Variants in SATB2 observed in about 807,000 individuals in gnomAD.
SATB2 encodes the protein SATB homeobox 2, also known as DNA-binding protein SATB2.
SATB2 carries 1 observed loss-of-function variant against 73.4 expected under a neutral mutation model. The ratio of observed to expected loss-of-function variants is 0.01; its 90% CI spans 0.00 to 0.06. The LOEUF (loss-of-function observed/expected upper bound fraction) is 0.06. Ranked by LOEUF, SATB2 falls within the 10% of genes least tolerant of loss-of-function variation. The probability of loss-of-function intolerance (pLI) is 1.00; values close to 1 mark genes in which losing one functional copy is unlikely to be tolerated. For synonymous variants in SATB2, 397 were observed against 367.0 expected, an observed-to-expected ratio of 1.08 and a Z score of -0.93; for missense variants, 459 against 945.8, an observed-to-expected ratio of 0.49 and a Z score of 6.75.
rs1340131732 is a variant in SATB2, at chr2:199,463,806, G to T, written c.-141+1030C>A. 6.6e-6 allele frequency among the ~76,000 whole-genome samples: 1 copy of T among 152,200 alleles called. No individual in the cohort carries two copies. Among genetic ancestry groups the T allele is most frequent in the Admixed American group, 6.5e-5 (1 of 15,286 alleles). ...TGAAAAGTACACCTGGAAAGCCCAAGATAGCACCCGGTCCGCACCCCAAAT... is the reference window on the plus strand; with the variant it reads ...TGAAAAGTACACCTGGAAAGCCCAATATAGCACCCGGTCCGCACCCCAAAT... On this transcript the variant is annotated intron_variant, in intron 1 of 11. Coordinates refer to the SATB2 transcript ENST00000260926. This position sits in a 1 kb window ranked among gnomAD's most constrained non-coding sequence, Gnocchi z 6.4.
chr2:199,272,613 C>T lies in SATB2; in HGVS notation c.1800G>A (p.Ala600=), dbSNP rs764410137. The change falls in exon 11 of 11, where the codon GCG becomes GCA. Residue 600 remains alanine (A), a synonymous_variant. Coordinates refer to ENST00000417098, the MANE Select transcript of SATB2 (RefSeq NM_001172509.2). The surrounding 1 kb of genome is among the most constrained non-coding windows in gnomAD (Gnocchi z 6.7). ...AKESSPPREE[A]PPPPPPTEDS... ...CTTCAGTCGGAGGAGGTGGGGGAGGCGCTTCTTCTCTGGGAGGGGAACTCT... is the reference window on the plus strand; with the variant it reads ...CTTCAGTCGGAGGAGGTGGGGGAGGTGCTTCTTCTCTGGGAGGGGAACTCT... 1.4e-5 allele frequency: 23 copies of T among 1,613,916 alleles called. No individual in the cohort carries two copies. Among genetic ancestry groups the T allele is most frequent in the Admixed American group, 6.7e-5 (4 of 59,980 alleles).
At chr2:199,275,022 C>A (rs1168990240) in intron 10 of SATB2, among the ~76,000 whole-genome samples, 1 of 152,128 alleles carries the variant, frequency 6.6e-6, no homozygotes. Context: ...AGAACATAGA[C>A]TCAAGCATGA....
At chr2:199,341,731 A>G (rs1688511208) in intron 7 of SATB2, among the ~76,000 whole-genome samples, 1 of 152,216 alleles carries the variant, frequency 6.6e-6, no homozygotes, top group South Asian at 2.1e-4. Flanking sequence ...ACATAAAACT[A>G]TAGATAGGTT....
rs150494098 is a variant in SATB2, at chr2:199,447,915, A to G, written c.169+7954T>C. Among the ~76,000 whole-genome samples the G allele has an allele frequency of 6.9e-3, 258 of 37,350 alleles. 72 individuals are homozygous for G. In the East Asian group the frequency reaches 0.096, roughly 14 times the overall value. The allele number at this position is 37,350 out of a possible 152,430, so 24.5% of individuals were successfully genotyped here. On this transcript the variant is annotated intron_variant, in intron 2 of 10. Transcript: ENST00000417098. The stretch of plus-strand genomic sequence containing the variant: ...ATTCTTTCACTCAATTAAAGCAGAA[A>G]TGGATATTGCATCTTCTGACTGTAT...
rs529398154 is a variant in SATB2, at chr2:199,343,544, G to A, written c.1173+5157C>T. On this transcript the variant is annotated intron_variant, in intron 7 of 10. Coordinates refer to ENST00000417098, the MANE Select transcript of SATB2 (RefSeq NM_001172509.2). ...GCTGGTAAAACCAGCTGCCCAGTCC[G>A]GCTGTTAGTGACTACAGTACATACA... Among the ~76,000 whole-genome samples the A allele has an allele frequency of 6.6e-5, 10 of 152,152 alleles. No homozygotes were observed. In the East Asian group the frequency reaches 1.2e-3, roughly 18 times the overall value.
intron 7 of SATB2, chr2:199,346,858 CTTTTTT>C (rs540374842): frequency 4.7e-4 from 42 of 88,456 alleles, no homozygotes; most frequent in Non-Finnish European, 7.8e-4. Flanking sequence ...TTTCACTTAA[CTTTTTT>C]TTTTTTTTTT....
At chr2:199,273,091 C>A (rs748104546) in intron 10 of SATB2, among the ~76,000 whole-genome samples, 31 of 152,094 alleles carry the variant, frequency 2.0e-4, no homozygotes, top group Non-Finnish European at 4.3e-4. Flanking sequence ...AGCTGAGTAA[C>A]CCTGGGCAAA....
intron 3 of SATB2, among the ~76,000 whole-genome samples, chr2:199,427,890 T>C (rs1185947006): frequency 1.3e-5 from 2 of 152,168 alleles, no homozygotes; most frequent in East Asian, 3.8e-4. Context: ...AAAGAGATAG[T>C]ACATTGAAAA....
At chr2:199,371,929 G>A (rs745328243) in intron 5 of SATB2, among the ~76,000 whole-genome samples, 10 of 151,894 alleles carry the variant, frequency 6.6e-5, no homozygotes, top group South Asian at 2.1e-4. Flanking sequence ...AGCATGTATC[G>A]CTTTGCATGG....
At chr2:199,453,909 T>A (rs1249844124) in intron 2 of SATB2, among the ~76,000 whole-genome samples, 1 of 152,084 alleles carries the variant, frequency 6.6e-6, no homozygotes, top group African/African-American at 2.4e-5. Flanking sequence ...AATAATGTCA[T>A]CTTTATTTTC....
At chr2:199,356,761 G>GA (rs1419322233) in intron 6 of SATB2, among the ~76,000 whole-genome samples, 1 of 151,848 alleles carries the variant, frequency 6.6e-6, no homozygotes, top group East Asian at 1.9e-4. Context: ...ATTTTCTTTA[G>GA]AAAAAATATA....
At chr2:199,342,816 T>C (rs547511370) in intron 7 of SATB2, among the ~76,000 whole-genome samples, 27 of 152,208 alleles carry the variant, frequency 1.8e-4, no homozygotes, top group Admixed American at 7.2e-4. Flanking sequence ...AACAAATACA[T>C]TTTATATTCT....
At chr2:199,442,393 G>C (rs561304454) in intron 2 of SATB2, among the ~76,000 whole-genome samples, 3 of 152,180 alleles carry the variant, frequency 2.0e-5, no homozygotes, top group Non-Finnish European at 4.4e-5. Flanking sequence ...CACGGGCATC[G>C]CATGGATGGG....
chr2:199,415,473 T>C (rs1690950062), intron 3 of SATB2, among the ~76,000 whole-genome samples: 1 of 152,224 alleles, frequency 6.6e-6, no homozygotes, highest in Non-Finnish European at 1.5e-5. Flanking sequence ...TAATATCATG[T>C]TTAAAATTGT....
upstream of SATB2, chr2:199,459,674 C>G (rs1056703322): frequency 2.0e-5 from 3 of 152,934 alleles, no homozygotes; most frequent in African/African-American, 7.2e-5. The surrounding 1 kb of genome is among the most constrained non-coding windows in gnomAD (Gnocchi z 4.2). Flanking sequence ...TCTCCCGCAG[C>G]AAGAGCCACC....
intron 6 of SATB2, among the ~76,000 whole-genome samples, chr2:199,356,509 C>T (rs1688989587): frequency 6.6e-6 from 1 of 152,128 alleles, no homozygotes; most frequent in African/African-American, 2.4e-5. Context: ...GCTCTAAAAC[C>T]TTGAAGCCCA....
chr2:199,432,220 G>GA (rs1691524799), intron 3 of SATB2, among the ~76,000 whole-genome samples: 1 of 152,132 alleles, frequency 6.6e-6, no homozygotes, highest in East Asian at 1.9e-4. Context: ...ATTTCAATTA[G>GA]GTTGCTTTCT....
intron 3 of SATB2, among the ~76,000 whole-genome samples, chr2:199,425,996 C>G (rs963742089): frequency 3.9e-5 from 6 of 152,166 alleles, no homozygotes; most frequent in African/African-American, 1.4e-4. Context: ...CTATCCAGCT[C>G]TAATGAGGGC....
At chr2:199,360,847 C>G (rs947870619) in intron 6 of SATB2, among the ~76,000 whole-genome samples, 3 of 152,104 alleles carry the variant, frequency 2.0e-5, no homozygotes, top group African/African-American at 7.2e-5. Flanking sequence ...GAGACAGCTC[C>G]CTCCAATGTC....
Sources: allele counts gnomAD v4.1 joint callset (sites outside exome capture counted in the v4.1 genomes callset), GRCh38; gene constraint gnomAD v4.1.1; non-coding constraint Gnocchi (gnomAD v3.1); transcripts MANE v1.5; gene names NCBI Gene and HGNC (gene_info 2026-07-23, HGNC 2026-07-21).